MYPN: variants seen among roughly 807,000 people sequenced by gnomAD.
The protein encoded by MYPN is myopalladin.
A neutral mutation model predicts 129.4 loss-of-function variants in MYPN; 63 were observed. That is an observed-to-expected ratio of 0.49 (90% CI 0.40 to 0.60). The LOEUF (loss-of-function observed/expected upper bound fraction) is 0.60. MYPN is among the 20% of genes least tolerant of loss of function. The pLI, the probability that MYPN is intolerant of heterozygous loss-of-function variation, is 0.00. For missense variants in MYPN, 1,596 were observed against 1,635.4 expected, an observed-to-expected ratio of 0.98 and a Z score of 0.42; for synonymous variants, 629 against 600.9, an observed-to-expected ratio of 1.05 and a Z score of -0.68.
Position 68,166,458 on chromosome 10 carries a change from C to G in MYPN, c.1765C>G (p.Arg589Gly). The change falls in exon 10 of 20, where the codon CGG (arginine) becomes GGG (glycine). Residue 589 changes from arginine (R) to glycine (G), a missense_variant. Physicochemically the swap from Arg to Gly is moderately radical, Grantham distance 125. Transcript: ENST00000358913. Reference sequence around the variant, plus strand: ...GGTTCTGGTGAACCACAATGAGCCCCGGTCCAGCTCCAGGATTGGGCTTCG... The same window carrying G: ...GGTTCTGGTGAACCACAATGAGCCCGGGTCCAGCTCCAGGATTGGGCTTCG... ...EGVLVNHNEP[R>G]SSSRIGLRVH... 1 of 1,614,126 alleles carries G rather than the reference C, an allele frequency of 6.2e-7. No individual in the cohort carries two copies. Among genetic ancestry groups the G allele is most frequent in the Non-Finnish European group, 8.5e-7 (1 of 1,180,040 alleles).
chr10:68,090,225 C>T (rs753930464), intron 1 of MYPN, among the ~76,000 whole-genome samples: 31 of 152,048 alleles, frequency 2.0e-4, no homozygotes, highest in Non-Finnish European at 2.9e-4. Flanking sequence ...TGCAGTGGCG[C>T]AATCTCAGCT....
At chr10:68,140,942 C>T (rs571711742) in intron 2 of MYPN, among the ~76,000 whole-genome samples, 2 of 152,204 alleles carry the variant, frequency 1.3e-5, no homozygotes, top group East Asian at 1.9e-4. Context: ...TGTGGCAGCA[C>T]GTGCCTGTGG....
chr10:68,178,542 G>A (rs138891219), intron 12 of MYPN, among the ~76,000 whole-genome samples: 5,149 of 151,954 alleles, frequency 0.034, 289 homozygotes, highest in African/African-American at 0.12. Context: ...GTGAAACCCC[G>A]TCTCTACTAA....
intron 7 of MYPN, among the ~76,000 whole-genome samples, chr10:68,159,693 T>C (rs2042941415): frequency 4.9e-5 from 1 of 20,498 alleles, no homozygotes; most frequent in Non-Finnish European, 1.6e-4. Context: ...AGAGCAATCA[T>C]ATGATAGAAA....
At chr10:68,206,946 A>T in intron 19 of MYPN, 43 bp downstream of exon 19, 1 of 1,613,020 alleles carries the variant, frequency 6.2e-7, no homozygotes, top group Admixed American at 1.7e-5. Flanking sequence ...TGCAACTGAC[A>T]GCTTAAAAAT....
At chr10:68,090,214 G>A (rs1249799557) in intron 1 of MYPN, among the ~76,000 whole-genome samples, 1 of 152,044 alleles carries the variant, frequency 6.6e-6, no homozygotes, top group African/African-American at 2.4e-5. Context: ...CCAGGTTGGA[G>A]TGCAGTGGCG....
At chr10:68,185,411 ATT>A (rs1237125863) in intron 12 of MYPN, among the ~76,000 whole-genome samples, 1 of 152,124 alleles carries the variant, frequency 6.6e-6, no homozygotes, top group Non-Finnish European at 1.5e-5. Flanking sequence ...TCCCCAGCTA[ATT>A]CCCTAGTGGG....
In MYPN at chr10:68,210,300, C is replaced by G. The variant is rs730880169; in HGVS notation, c.3808C>G (p.Gln1270Glu). 5 of 1,613,658 alleles carry G rather than the reference C, an allele frequency of 3.1e-6. No homozygotes were observed. The highest frequency in any genetic ancestry group is 3.4e-6 in the Non-Finnish European group (4 of 1,180,024). Residue 1270 changes from glutamine to glutamate, a missense_variant, in exon 20 of 20, where the codon CAG becomes GAG. By Grantham distance (29) the Gln-to-Glu change is conservative (BLOSUM62 2). Coordinates refer to ENST00000358913, the MANE Select transcript of MYPN (RefSeq NM_032578.4). ...CCATTTTCCAGCTCAGTGGCACCATCAGATCCCACCGCCCATGTCTGTCCG... is the reference window on the plus strand; with the variant it reads ...CCATTTTCCAGCTCAGTGGCACCATGAGATCCCACCGCCCATGTCTGTCCG... Reference protein sequence around the residue: ...RLDIYAQWHHQIPPPMSVRPS... With the variant: ...RLDIYAQWHHEIPPPMSVRPS...
At position 68,152,977 on chromosome 10, in the gene MYPN, A is replaced by T. The variant is rs1409608128; in HGVS notation, c.1317+2866A>T. Among the ~76,000 whole-genome samples, 2 of 147,596 alleles carry T rather than the reference A, an allele frequency of 1.4e-5. 1 individual carries two copies. Among genetic ancestry groups the T allele is most frequent in the East Asian group, 3.9e-4 (2 of 5,080 alleles). On this transcript the variant is annotated intron_variant, in intron 6 of 19. Transcript: ENST00000358913. ...ATGTTATTTTATTTTATTTTATTTTATTTATTTTATTTTATTTTATTTTAT... is the reference window on the plus strand; with the variant it reads ...ATGTTATTTTATTTTATTTTATTTTTTTTATTTTATTTTATTTTATTTTAT...
At chr10:68,091,393 C>CTTTTT (rs11301512) in intron 1 of MYPN, among the ~76,000 whole-genome samples, 6 of 106,738 alleles carry the variant, frequency 5.6e-5, no homozygotes, top group East Asian at 2.8e-4. Context: ...GACTACAGCC[C>CTTTTT]TTTTTTTTTT....
At chr10:68,175,596 C>A in intron 12 of MYPN, 135 bp downstream of exon 12, 1 of 966,540 alleles carries the variant, frequency 1.0e-6, no homozygotes, top group Non-Finnish European at 1.6e-6. Context: ...CACAGACTAA[C>A]CAAAGGTCAT....
At chr10:68,177,336 TCTC>T (rs1172569992) in intron 12 of MYPN, among the ~76,000 whole-genome samples, 2 of 152,202 alleles carry the variant, frequency 1.3e-5, no homozygotes, top group Non-Finnish European at 2.9e-5. Context: ...CATATGTCAT[TCTC>T]CTGAGAATTA....
rs779761193 is a variant in MYPN, at chr10:68,142,945, A to G, written c.908A>G (p.Tyr303Cys). ...CCATATCCTTTTCCCTGCAGGTGGT[A>G]CTGTGAAGGCAAGGAGCTTGAAAAT... ...VGIPPPQVRW[Y>C]CEGKELENSP... Residue 303 changes from tyrosine (Y) to cysteine (C), a missense_variant, in exon 3 of 20, where the codon TAC becomes TGC. Transcript: ENST00000358913. 6.2e-7 allele frequency: 1 copy of G among 1,614,088 alleles called. No homozygotes were observed. Among genetic ancestry groups the G allele is most frequent in the South Asian group, 1.1e-5 (1 of 91,086 alleles).
chr10:68,203,591 GA>G (rs1388513983), intron 18 of MYPN, among the ~76,000 whole-genome samples: 1 of 151,400 alleles, frequency 6.6e-6, no homozygotes, highest in South Asian at 2.1e-4. Flanking sequence ...AGTCTCAAAA[GA>G]AAAAAAGAAT....
At chr10:68,169,930 G>A (rs1353631375) in intron 10 of MYPN, among the ~76,000 whole-genome samples, 1 of 152,054 alleles carries the variant, frequency 6.6e-6, no homozygotes, top group African/African-American at 2.4e-5. Context: ...AGCAAAGAAG[G>A]AGTTTCACCA....
At chr10:68,114,366 G>T (rs1237154212) in intron 1 of MYPN, 2 of 146,378 alleles carry the variant, frequency 1.4e-5, no homozygotes, top group African/African-American at 5.0e-5. Context: ...TTTTTTGACG[G>T]AGTCTTGCTC....
intron 2 of MYPN, among the ~76,000 whole-genome samples, chr10:68,130,683 C>G (rs1426863164): frequency 6.6e-6 from 1 of 152,002 alleles, no homozygotes; most frequent in African/African-American, 2.4e-5. Context: ...TAGTTCGCAT[C>G]TAGTTTAAGA....
At chr10:68,162,857 G>A (rs1271905223) in intron 8 of MYPN, among the ~76,000 whole-genome samples, 4 of 152,156 alleles carry the variant, frequency 2.6e-5, no homozygotes, top group African/African-American at 7.2e-5. Flanking sequence ...GAAGAGCGGA[G>A]ATCACTGGTT....
At chr10:68,138,579 G>T (rs996161377) in intron 2 of MYPN, among the ~76,000 whole-genome samples, 1 of 152,082 alleles carries the variant, frequency 6.6e-6, no homozygotes, top group East Asian at 1.9e-4. Context: ...CAATGAAAAG[G>T]CAAATAATAT....
Sources: gnomAD v4.1 joint callset for allele counts (sites outside exome capture counted in the v4.1 genomes callset) on GRCh38, gnomAD v4.1.1 for gene constraint, MANE v1.5 for transcripts, NCBI Gene and HGNC (gene_info 2026-07-23, HGNC 2026-07-21) for gene names.